Variants in CDKN2B-AS1 observed in about 807,000 individuals in gnomAD.
CDKN2B-AS1 encodes CDKN2B and CDKN2A antisense cis and trans regulatory RNA 1.
intron 4 of CDKN2B-AS1, among the ~76,000 whole-genome samples, chr9:22,062,554 A>G (rs536975680): frequency 6.6e-6 from 1 of 152,192 alleles, no homozygotes; most frequent in African/African-American, 2.4e-5. Context: ...ATGGGGCTAC[A>G]TGAGGAAGAC....
rs1231099300 is a variant in CDKN2B-AS1 at position 21,997,107 on chromosome 9, C to T, written n.29+1946C>T. Among the ~76,000 whole-genome samples the T allele has an allele frequency of 6.6e-6, 1 of 152,128 alleles. No individual in the cohort carries two copies. The highest frequency in any genetic ancestry group is 2.4e-5 in the African/African-American group (1 of 41,410). ...TTCATTGTTGTGCAAACATCATATA[C>T]AAACCTAGGTGGTATAGTCTATTAT... is the stretch of plus-strand genomic sequence containing the variant. On this transcript the variant is annotated intron_variant and non_coding_transcript_variant, in intron 1 of 4. Coordinates refer to ENST00000650946, the Ensembl canonical transcript of CDKN2B-AS1. The surrounding 1 kb of genome is among the most constrained non-coding windows in gnomAD (Gnocchi z 4.8).
At chr9:22,076,027 C>G (rs1824478498) in intron 4 of CDKN2B-AS1, among the ~76,000 whole-genome samples, 1 of 152,162 alleles carries the variant, frequency 6.6e-6, no homozygotes, top group Non-Finnish European at 1.5e-5. Flanking sequence ...AAGTCAAGTA[C>G]TGGCATCCTC....
In CDKN2B-AS1 at chr9:21,995,870, G is replaced by A. The variant is rs1034382217; in HGVS notation, n.29+709G>A. 1 of 152,306 alleles carries A rather than the reference G, an allele frequency of 6.6e-6. No homozygotes were observed. Among genetic ancestry groups the A allele is most frequent in the Admixed American group, 6.5e-5 (1 of 15,288 alleles). The allele number at this position is 152,306 out of a possible 1,614,324, so 9.4% of individuals were successfully genotyped here. The stretch of plus-strand genomic sequence containing the variant: ...CCGGTGCCCCGACCCGGAGCCTGCG[G>A]TCTGCCTGGATCCGTCCTAAACCTC... On this transcript the variant is annotated intron_variant and non_coding_transcript_variant, in intron 1 of 4. Coordinates refer to ENST00000650946, the Ensembl canonical transcript of CDKN2B-AS1. This position sits in a 1 kb window ranked among gnomAD's most constrained non-coding sequence, Gnocchi z 5.7.
chr9:22,017,387 T>A (rs1212772117), intron 1 of CDKN2B-AS1, among the ~76,000 whole-genome samples: 2 of 152,226 alleles, frequency 1.3e-5, no homozygotes, highest in African/African-American at 4.8e-5. Context: ...TACCTCTTTT[T>A]TAGGGCTCAA....
At chr9:22,117,069 G>C (rs1825969266) in intron 4 of CDKN2B-AS1, among the ~76,000 whole-genome samples, 2 of 152,266 alleles carry the variant, frequency 1.3e-5, no homozygotes. Flanking sequence ...TTATTATGAA[G>C]AAAAATGTTA....
intron 4 of CDKN2B-AS1, among the ~76,000 whole-genome samples, chr9:22,085,779 A>G (rs920653576): frequency 6.6e-6 from 1 of 151,286 alleles, no homozygotes; most frequent in African/African-American, 2.4e-5. Flanking sequence ...TGGAGTCACT[A>G]CTGATCCTTG....
chr9:22,068,256 G>A (rs886130880), intron 4 of CDKN2B-AS1, among the ~76,000 whole-genome samples: 2 of 152,124 alleles, frequency 1.3e-5, no homozygotes, highest in African/African-American at 2.4e-5. Context: ...CAGAAAAGTT[G>A]CTGGACCTCA....
intron 1 of CDKN2B-AS1, among the ~76,000 whole-genome samples, chr9:22,043,055 C>A (rs1822963221): frequency 6.6e-6 from 1 of 152,046 alleles, no homozygotes; most frequent in Non-Finnish European, 1.5e-5. Flanking sequence ...TTCTCTCCAT[C>A]CCCCAAATTT....
intron 1 of CDKN2B-AS1, chr9:22,030,194 C>T (rs1288605686): frequency 6.6e-6 from 1 of 152,144 alleles, no homozygotes; most frequent in Non-Finnish European, 1.5e-5. Flanking sequence ...GTTTAGAGTA[C>T]ATAGACAATA....
intron 1 of CDKN2B-AS1, among the ~76,000 whole-genome samples, chr9:22,008,157 G>A (rs532274091): frequency 1.1e-4 from 17 of 152,174 alleles, no homozygotes; most frequent in Admixed American, 3.3e-4. Flanking sequence ...ATTCAAAAAG[G>A]ACCTAACAGT....
At chr9:22,107,747 G>C (rs1825698683) in intron 4 of CDKN2B-AS1, among the ~76,000 whole-genome samples, 1 of 152,210 alleles carries the variant, frequency 6.6e-6, no homozygotes, top group African/African-American at 2.4e-5. Context: ...AAGGATAAGA[G>C]ATTAGTGTCA....
chr9:22,008,763 G>C, intron 1 of CDKN2B-AS1: 3 of 1,609,518 alleles, frequency 1.9e-6, no homozygotes, highest in Non-Finnish European at 2.5e-6. Context: ...GCGTTCGCGC[G>C]CCCCCTGCCG....
chr9:22,090,893 T>A (rs1259345382), intron 4 of CDKN2B-AS1, among the ~76,000 whole-genome samples: 1 of 152,192 alleles, frequency 6.6e-6, no homozygotes, highest in Admixed American at 6.5e-5. Context: ...AGACATGAAG[T>A]CCTTGCCCAT....
rs1436744541 is a variant in CDKN2B-AS1, at chr9:21,997,886, C to G, written n.29+2725C>G. On this transcript the variant is annotated intron_variant and non_coding_transcript_variant, in intron 1 of 4. Transcript: ENST00000650946. This position sits in a 1 kb window ranked among gnomAD's most constrained non-coding sequence, Gnocchi z 4.8. The stretch of plus-strand genomic sequence containing the variant: ...CATGCCTGAGGGGTTCTCTGACCCT[C>G]AGTTTTCTGAGGATCAAATTTAAAT... 6.6e-6 allele frequency among the ~76,000 whole-genome samples: 1 copy of G among 152,028 alleles called. No individual in the cohort carries two copies. The highest frequency in any genetic ancestry group is 2.4e-5 in the African/African-American group (1 of 41,362).
In CDKN2B-AS1 at chr9:22,116,248, C is replaced by T. The variant is rs78264155; in HGVS notation, n.439-10855C>T. Among the ~76,000 whole-genome samples, 1,323 of 152,216 alleles carry T rather than the reference C, an allele frequency of 8.7e-3. 99 individuals carry two copies. In the East Asian group the frequency reaches 0.18, roughly 21 times the overall value. On this transcript the variant is annotated intron_variant and non_coding_transcript_variant, in intron 4 of 4. Transcript: ENST00000650946. ...TGTATATCTGTTTGATATACTCAAA[C>T]GGTGTATATCAAACGGATATAAGTT...
chr9:22,071,324 G>T (rs963193075), intron 4 of CDKN2B-AS1, among the ~76,000 whole-genome samples: 1 of 112,686 alleles, frequency 8.9e-6, no homozygotes, highest in Non-Finnish European at 1.6e-5. Flanking sequence ...TTTAGACACG[G>T]AGTCTTGCTC....
At chr9:22,066,677 G>T (rs1349888222) in intron 4 of CDKN2B-AS1, among the ~76,000 whole-genome samples, 1 of 151,798 alleles carries the variant, frequency 6.6e-6, no homozygotes, top group East Asian at 2.0e-4. Context: ...CAAAGAGATT[G>T]TGCAGTTTTA....
rs548972914 is a variant in CDKN2B-AS1 at position 22,110,497 on chromosome 9, A to G, written n.439-16606A>G. ...TTTTCTTTTTGCAAGTGTTACAAAT[A>G]TCTGCATGTCATAACATCATCACTA... On this transcript the variant is annotated intron_variant and non_coding_transcript_variant, in intron 4 of 4. Coordinates refer to ENST00000650946, the Ensembl canonical transcript of CDKN2B-AS1. 2.6e-5 allele frequency among the ~76,000 whole-genome samples: 4 copies of G among 152,276 alleles called. No homozygotes were observed. In the East Asian group the frequency reaches 7.7e-4, roughly 29 times the overall value.
intron 1 of CDKN2B-AS1, among the ~76,000 whole-genome samples, chr9:22,026,560 G>A (rs1309679541): frequency 6.6e-6 from 1 of 152,220 alleles, no homozygotes; most frequent in Non-Finnish European, 1.5e-5. Flanking sequence ...GTGGCTAGCT[G>A]GAATTCCAAG....
Sources: gnomAD v4.1 joint callset for allele counts (sites outside exome capture counted in the v4.1 genomes callset) on GRCh38, gnomAD v4.1.1 for gene constraint, Gnocchi (gnomAD v3.1) non-coding constraint, MANE v1.5 for transcripts, NCBI Gene and HGNC (gene_info 2026-07-23, HGNC 2026-07-21) for gene names.